GABRG3: variants seen among roughly 807,000 people sequenced by gnomAD.
The protein encoded by GABRG3 is gamma-aminobutyric acid type A receptor subunit gamma3.
Under a neutral mutation model 48.8 loss-of-function variants are expected in GABRG3, and 25 were observed. The ratio of observed to expected loss-of-function variants is 0.51; its 90% CI spans 0.37 to 0.72. GABRG3 has a LOEUF of 0.72. Ranked by LOEUF, GABRG3 falls within the 30% of genes least tolerant of loss-of-function variation. The pLI is 0.00. For missense variants in GABRG3, 394 were observed against 577.9 expected, an observed-to-expected ratio of 0.68 and a Z score of 3.26; for synonymous variants, 227 against 217.6, an observed-to-expected ratio of 1.04 and a Z score of -0.38.
intron 5 of GABRG3, among the ~76,000 whole-genome samples, chr15:27,395,802 C>T (rs577581609): frequency 6.6e-6 from 1 of 152,232 alleles, no homozygotes; most frequent in African/African-American, 2.4e-5. Context: ...TTGGGTTGGG[C>T]AAGCATTTCT....
At chr15:27,237,966 A>G (rs1890025384) in intron 3 of GABRG3, among the ~76,000 whole-genome samples, 1 of 152,174 alleles carries the variant, frequency 6.6e-6, no homozygotes, top group Non-Finnish European at 1.5e-5. Flanking sequence ...ACGCTGTAAT[A>G]CTGTTATTAT....
intron 3 of GABRG3, among the ~76,000 whole-genome samples, chr15:27,176,601 G>A (rs914424151): frequency 4.6e-5 from 7 of 152,172 alleles, no homozygotes; most frequent in Non-Finnish European, 8.8e-5. Flanking sequence ...CATCTCTAGT[G>A]ATTGACTCTG....
chr15:27,003,959 G>T (rs1157966697), intron 2 of GABRG3, among the ~76,000 whole-genome samples: 4 of 148,316 alleles, frequency 2.7e-5, no homozygotes, highest in African/African-American at 7.5e-5. Context: ...CTCCTGGACG[G>T]GGCGGCTGGC....
intron 3 of GABRG3, among the ~76,000 whole-genome samples, chr15:27,063,797 G>C (rs1005584304): frequency 1.3e-5 from 2 of 152,148 alleles, no homozygotes; most frequent in Non-Finnish European, 2.9e-5. Context: ...CACAGAGTCC[G>C]CCCCTGCAGA....
intron 3 of GABRG3, among the ~76,000 whole-genome samples, chr15:27,159,042 T>C (rs527835404): frequency 1.9e-4 from 29 of 152,330 alleles, no homozygotes; most frequent in African/African-American, 6.3e-4. Flanking sequence ...ACTTTGCTTA[T>C]GGCACCTACA....
intron 3 of GABRG3, among the ~76,000 whole-genome samples, chr15:27,162,206 G>C (rs1887217172): frequency 6.6e-6 from 1 of 152,144 alleles, no homozygotes; most frequent in African/African-American, 2.4e-5. Flanking sequence ...TCCTGGGAGA[G>C]AGCCCAACCC....
intron 3 of GABRG3, among the ~76,000 whole-genome samples, chr15:27,173,683 C>T (rs979869581): frequency 1.6e-5 from 2 of 127,390 alleles, no homozygotes; most frequent in Middle Eastern, 5.6e-3. Context: ...GCCTGGGCAA[C>T]AGAGCAAGAT....
chr15:27,285,977 C>T (rs368583962), intron 3 of GABRG3, among the ~76,000 whole-genome samples: 5 of 152,200 alleles, frequency 3.3e-5, no homozygotes, highest in South Asian at 4.1e-4. Flanking sequence ...GTAGGATCTT[C>T]GTAAATATTT....
intron 3 of GABRG3, among the ~76,000 whole-genome samples, chr15:27,323,090 A>G (rs1418515952): frequency 6.6e-6 from 1 of 152,164 alleles, no homozygotes; most frequent in Non-Finnish European, 1.5e-5. Flanking sequence ...GAGACAGAAG[A>G]TAAGGAGAAA....
At chr15:27,423,612 C>A (rs1260021081) in intron 5 of GABRG3, among the ~76,000 whole-genome samples, 2 of 149,858 alleles carry the variant, frequency 1.3e-5, no homozygotes, top group Non-Finnish European at 3.0e-5. Flanking sequence ...GTGGCACAAT[C>A]ACGAAACACT....
intron 5 of GABRG3, among the ~76,000 whole-genome samples, chr15:27,383,468 C>A (rs1367486051): frequency 9.9e-5 from 15 of 152,172 alleles, no homozygotes; most frequent in Non-Finnish European, 2.2e-4. Context: ...GTGTTCCTGT[C>A]TGAAAATTCA....
chr15:27,298,488 A>G (rs899006547), intron 3 of GABRG3, among the ~76,000 whole-genome samples: 2 of 152,130 alleles, frequency 1.3e-5, no homozygotes, highest in East Asian at 1.9e-4. Context: ...GTAGGGGAAT[A>G]GTCAATTATG....
intron 3 of GABRG3, among the ~76,000 whole-genome samples, chr15:27,301,163 G>A (rs1892192808): frequency 6.6e-6 from 1 of 152,138 alleles, no homozygotes; most frequent in African/African-American, 2.4e-5. Context: ...AACATCTAAA[G>A]TTCTTGTCAT....
chr15:27,000,633 T>TC (rs897356595), intron 2 of GABRG3, among the ~76,000 whole-genome samples: 2 of 151,944 alleles, frequency 1.3e-5, no homozygotes, highest in Admixed American at 6.6e-5. Context: ...GTGTATCGCC[T>TC]CCCCCCACCA....
chr15:27,126,117 G>A (rs1897816024), intron 3 of GABRG3, among the ~76,000 whole-genome samples: 1 of 148,204 alleles, frequency 6.7e-6, no homozygotes, highest in African/African-American at 2.4e-5. Context: ...CGTGCTTACA[G>A]CAACCAGCGG....
At chr15:26,998,419 C>G (rs1190025597) in intron 2 of GABRG3, among the ~76,000 whole-genome samples, 1 of 152,148 alleles carries the variant, frequency 6.6e-6, no homozygotes. Context: ...GGGACAGCAG[C>G]CCAATACTCC....
intron 3 of GABRG3, among the ~76,000 whole-genome samples, chr15:27,098,172 G>A (rs1356875694): frequency 2.6e-5 from 4 of 152,010 alleles, no homozygotes; most frequent in African/African-American, 9.7e-5. Context: ...GGTGGCTCAC[G>A]TCTGTAATCC....
chr15:27,485,536 GA>G (rs1040740843), intron 6 of GABRG3, among the ~76,000 whole-genome samples: 34 of 152,220 alleles, frequency 2.2e-4, no homozygotes, highest in Admixed American at 2.1e-3. Flanking sequence ...AAAATAGACT[GA>G]AAAACCTGTT....
chr15:27,069,965 G>A lies in GABRG3; in HGVS notation c.270+43144G>A, dbSNP rs186639509. On this transcript the variant is annotated intron_variant, in intron 3 of 9. Coordinates refer to ENST00000615808, the MANE Select transcript of GABRG3 (RefSeq NM_033223.5). ...CTCTGCTCATGCTGGTAATTCTATC[G>A]TTTCCATTGGAAGACAATGCAAGCT... Among the ~76,000 whole-genome samples the A allele has an allele frequency of 2.4e-4, 36 of 152,294 alleles. 1 individual carries two copies. In the Middle Eastern group the frequency reaches 0.01, roughly 43 times the overall value.
Sources: allele counts gnomAD v4.1 joint callset (sites outside exome capture counted in the v4.1 genomes callset), GRCh38; gene constraint gnomAD v4.1.1; transcripts MANE v1.5; gene names NCBI Gene and HGNC (gene_info 2026-07-23, HGNC 2026-07-21).